PBX3: variants seen among roughly 807,000 people sequenced by gnomAD.
The protein encoded by PBX3 is PBX homeobox 3.
PBX3 carries 14 observed loss-of-function variants against 48.5 expected under a neutral mutation model. The ratio of observed to expected loss-of-function variants is 0.29; its 90% confidence interval spans 0.19 to 0.45. The LOEUF (loss-of-function observed/expected upper bound fraction) is 0.45. Ranked by LOEUF, PBX3 falls within the 20% of genes least tolerant of loss-of-function variation. The pLI is 1.00. For missense variants in PBX3, 386 were observed against 546.7 expected (o/e 0.71, Z 2.93); for synonymous variants, 210 against 200.3 (o/e 1.05, Z -0.41).
intron 2 of PBX3, among the ~76,000 whole-genome samples, chr9:125,889,977 C>G (rs1174078321): frequency 1.3e-5 from 2 of 151,798 alleles, no homozygotes; most frequent in Non-Finnish European, 2.9e-5. Flanking sequence ...TAGCAGCTGA[C>G]CTTAGCCGGC....
intron 2 of PBX3, among the ~76,000 whole-genome samples, chr9:125,837,760 T>C (rs1360003349): frequency 1.3e-5 from 2 of 151,838 alleles, no homozygotes; most frequent in Non-Finnish European, 2.9e-5. Flanking sequence ...CCGGCTAATT[T>C]TTTGTATTTT....
At chr9:125,887,356 CCT>C (rs1840525396) in intron 2 of PBX3, among the ~76,000 whole-genome samples, 1 of 152,010 alleles carries the variant, frequency 6.6e-6, no homozygotes, top group African/African-American at 2.4e-5. Flanking sequence ...CCTGCATTAC[CCT>C]GTGTCATAAT....
chr9:125,774,835 T>C (rs1437235994), intron 2 of PBX3, among the ~76,000 whole-genome samples: 1 of 152,046 alleles, frequency 6.6e-6, no homozygotes, highest in East Asian at 1.9e-4. Flanking sequence ...AGTAGGTCTA[T>C]CATTTTACAT....
chr9:125,782,350 C>T (rs900402817), intron 2 of PBX3, among the ~76,000 whole-genome samples: 1 of 152,170 alleles, frequency 6.6e-6, no homozygotes, highest in Non-Finnish European at 1.5e-5. Flanking sequence ...CACCCCTCCC[C>T]TCCCACAACA....
rs1297334012 is a variant in PBX3 at position 125,780,395 on chromosome 9, G to A, written c.274+31772G>A. ...ACCCCACCTCCCTCCCAGACGGGGCGGCTGGCCGGGCGGGGGGCTGACCCC... is the reference window on the plus strand; with the variant it reads ...ACCCCACCTCCCTCCCAGACGGGGCAGCTGGCCGGGCGGGGGGCTGACCCC... On this transcript the variant is annotated intron_variant, in intron 2 of 8. Transcript: ENST00000373489. 8.8e-3 allele frequency among the ~76,000 whole-genome samples: 1,021 copies of A among 115,568 alleles called. 7 individuals are homozygous for A. Among genetic ancestry groups the A allele is most frequent in the East Asian group, 0.082 (257 of 3,124 alleles). The allele number at this position is 115,568 out of a possible 152,430, so 75.8% of individuals were successfully genotyped here.
chr9:125,817,223 A>T, intron 2 of PBX3, among the ~76,000 whole-genome samples: 1 of 152,218 alleles, frequency 6.6e-6, no homozygotes, highest in Non-Finnish European at 1.5e-5. Context: ...AGTAGATTAG[A>T]GATGAAGTTT....
At chr9:125,942,465 A>G (rs931096193) in intron 5 of PBX3, among the ~76,000 whole-genome samples, 5 of 152,228 alleles carry the variant, frequency 3.3e-5, no homozygotes, top group African/African-American at 1.2e-4. Context: ...GCTAATTAAA[A>G]TTTGTAAGTA....
At chr9:125,798,384 T>G (rs188596857) in intron 2 of PBX3, among the ~76,000 whole-genome samples, 1 of 152,150 alleles carries the variant, frequency 6.6e-6, no homozygotes, top group Non-Finnish European at 1.5e-5. Flanking sequence ...TTACTACTTA[T>G]ACATTTTACT....
intron 2 of PBX3, among the ~76,000 whole-genome samples, chr9:125,779,431 G>A (rs867443335): frequency 0.011 from 1,543 of 134,482 alleles, 23 homozygotes; most frequent in African/African-American, 0.036. Context: ...GTGTCCCTGG[G>A]TACTTGAGAT....
At chr9:125,833,358 C>T (rs766277790) in intron 2 of PBX3, among the ~76,000 whole-genome samples, 3 of 151,996 alleles carry the variant, frequency 2.0e-5, no homozygotes, top group Admixed American at 6.6e-5. Flanking sequence ...GTGGTGCACA[C>T]CTGTAGTCCC....
Position 125,747,658 on chromosome 9 carries a change from G to A in PBX3, c.200+5G>A. On this transcript the variant is annotated splice_donor_5th_base_variant and intron_variant, in intron 1 of 8. Transcript: ENST00000373489. ...CTTGGACGAGGCGCAAGCAAAGTTG[G>A]TGTCGTCTCATTAAGCATCTTTTGT... is the stretch of plus-strand genomic sequence containing the variant. 6.3e-7 allele frequency: 1 copy of A among 1,583,258 alleles called. No individual in the cohort carries two copies. Among genetic ancestry groups the A allele is most frequent in the Non-Finnish European group, 8.6e-7 (1 of 1,164,932 alleles).
At chr9:125,954,861 G>A (rs1284891704) in intron 5 of PBX3, among the ~76,000 whole-genome samples, 1 of 152,046 alleles carries the variant, frequency 6.6e-6, no homozygotes, top group South Asian at 2.1e-4. Flanking sequence ...ATGGATAATG[G>A]GTATCAAACT....
chr9:125,806,892 A>G (rs780030153), intron 2 of PBX3, among the ~76,000 whole-genome samples: 1 of 152,248 alleles, frequency 6.6e-6, no homozygotes, highest in Admixed American at 6.5e-5. Context: ...ACCCATGGAC[A>G]TGGATGAGAT....
intron 2 of PBX3, among the ~76,000 whole-genome samples, chr9:125,863,584 A>G (rs967588952): frequency 2.6e-5 from 4 of 152,174 alleles, no homozygotes; most frequent in Non-Finnish European, 5.9e-5. Context: ...GATACTTTCT[A>G]AGAGTTAAGA....
intron 2 of PBX3, among the ~76,000 whole-genome samples, chr9:125,812,908 G>C (rs7040425): frequency 0.71 from 107,589 of 152,054 alleles, 38,624 homozygotes; most frequent in African/African-American, 0.8. Flanking sequence ...ACATGGTATA[G>C]CTGTATAGGG....
intron 2 of PBX3, among the ~76,000 whole-genome samples, chr9:125,772,721 T>C (rs1387652064): frequency 6.6e-6 from 1 of 152,220 alleles, no homozygotes; most frequent in African/African-American, 2.4e-5. Context: ...AATAGATGCT[T>C]AATAAATTGC....
intron 2 of PBX3, among the ~76,000 whole-genome samples, chr9:125,871,532 G>C (rs528217051): frequency 6.6e-6 from 1 of 152,144 alleles, no homozygotes; most frequent in African/African-American, 2.4e-5. Flanking sequence ...GTAGAATGTT[G>C]AATGAAAGAG....
intron 2 of PBX3, among the ~76,000 whole-genome samples, chr9:125,906,736 T>TC (rs1841081662): frequency 6.6e-6 from 1 of 152,070 alleles, no homozygotes; most frequent in South Asian, 2.1e-4. Context: ...TTTTGTATTA[T>TC]GTGTGTATGG....
intron 2 of PBX3, among the ~76,000 whole-genome samples, chr9:125,915,461 G>A (rs537652377): frequency 1.5e-4 from 23 of 152,068 alleles, no homozygotes; most frequent in Admixed American, 3.9e-4. Context: ...AAATTGAGGC[G>A]GTGGGGGGGT....
Sources: allele counts gnomAD v4.1 joint callset (sites outside exome capture counted in the v4.1 genomes callset), GRCh38; gene constraint gnomAD v4.1.1; transcripts MANE v1.5; gene names NCBI Gene and HGNC (gene_info 2026-07-23, HGNC 2026-07-21).